SGCD: variants seen among roughly 807,000 people sequenced by gnomAD.
SGCD encodes delta-sarcoglycan.
In SGCD, 18 loss-of-function variants were observed where a neutral mutation model predicts 36.6. The observed-to-expected ratio is 0.49, with a 90% CI of 0.34 to 0.73. The LOEUF (loss-of-function observed/expected upper bound fraction) is 0.73. Among genes scored for constraint, SGCD ranks in the 30% least tolerant of loss-of-function variants. The pLI is 0.01. For missense variants in SGCD, 387 were observed against 346.7 expected (o/e 1.12, Z -0.92); for synonymous variants, 133 against 130.6 (o/e 1.02, Z -0.12).
chr5:156,283,773 C>A (rs922756582), intron 3 of SGCD, among the ~76,000 whole-genome samples: 3 of 152,104 alleles, frequency 2.0e-5, no homozygotes, highest in Non-Finnish European at 4.4e-5. Context: ...GAATTTTTAA[C>A]CAATTCTCAA....
At chr5:156,423,768 T>G (rs1035816850) in intron 3 of SGCD, among the ~76,000 whole-genome samples, 1 of 151,944 alleles carries the variant, frequency 6.6e-6, no homozygotes, top group African/African-American at 2.4e-5. Flanking sequence ...GTGTATGTCT[T>G]GACTCTAAAG....
the SGCD span, among the ~76,000 whole-genome samples, chr5:155,827,847 T>TA: frequency 7.0e-6 from 1 of 142,888 alleles, no homozygotes; most frequent in Non-Finnish European, 1.5e-5. Context: ...CCTGGCTAAT[T>TA]TTTTTTTTTT....
the SGCD span, among the ~76,000 whole-genome samples, chr5:155,748,726 A>G: frequency 4.9e-4 from 74 of 152,336 alleles, no homozygotes; most frequent in Admixed American, 1.6e-3. Flanking sequence ...ATTGTCCATC[A>G]TGGCCCAAGC....
chr5:155,741,465 A>G, the SGCD span, among the ~76,000 whole-genome samples: 2 of 152,088 alleles, frequency 1.3e-5, no homozygotes, highest in African/African-American at 2.4e-5. Context: ...TTCAGGGCCT[A>G]CTATCTGTCA....
At chr5:156,621,906 T>G (rs933797784) in intron 6 of SGCD, among the ~76,000 whole-genome samples, 1 of 152,180 alleles carries the variant, frequency 6.6e-6, no homozygotes, top group African/African-American at 2.4e-5. Flanking sequence ...CTAAGATAAG[T>G]TTCATTCTTA....
chr5:156,071,180 A>G (rs1760548678), intron 1 of SGCD, among the ~76,000 whole-genome samples: 1 of 151,990 alleles, frequency 6.6e-6, no homozygotes, highest in South Asian at 2.1e-4. Flanking sequence ...TAGCTTTTGA[A>G]TGTGTTTGCT....
At chr5:156,185,016 T>C (rs1317692114) in intron 3 of SGCD, among the ~76,000 whole-genome samples, 2 of 152,122 alleles carry the variant, frequency 1.3e-5, no homozygotes, top group Non-Finnish European at 2.9e-5. Flanking sequence ...CAAAACACCA[T>C]TCAAGGAACA....
chr5:155,903,281 T>A (rs1326269754), intron 1 of SGCD, among the ~76,000 whole-genome samples: 1 of 152,230 alleles, frequency 6.6e-6, no homozygotes, highest in African/African-American at 2.4e-5. Flanking sequence ...ACAACTGGGT[T>A]ATTTCTTCCA....
intron 3 of SGCD, among the ~76,000 whole-genome samples, chr5:156,170,943 G>A (rs1043298670): frequency 2.4e-4 from 37 of 152,220 alleles, no homozygotes; most frequent in African/African-American, 6.5e-4. Context: ...AATGTTGCCA[G>A]ACACCATTCA....
At chr5:156,182,056 G>A (rs1763622414) in intron 3 of SGCD, among the ~76,000 whole-genome samples, 1 of 152,150 alleles carries the variant, frequency 6.6e-6, no homozygotes, top group Middle Eastern at 3.2e-3. Flanking sequence ...TAGGAGCACA[G>A]GGCTTTAGGT....
chr5:156,177,126 T>C (rs548818298), intron 3 of SGCD, among the ~76,000 whole-genome samples: 23 of 152,170 alleles, frequency 1.5e-4, no homozygotes, highest in Admixed American at 6.5e-4. Context: ...CTCAGCATCC[T>C]GAGTAGCTGG....
chr5:156,710,250 C>T (rs1346348674), intron 7 of SGCD, among the ~76,000 whole-genome samples: 3 of 152,116 alleles, frequency 2.0e-5, no homozygotes, highest in African/African-American at 4.8e-5. Context: ...GATTGGATGC[C>T]AGTGCCAATT....
intron 3 of SGCD, among the ~76,000 whole-genome samples, chr5:156,172,898 A>C (rs1763377509): frequency 6.6e-6 from 1 of 152,042 alleles, no homozygotes; most frequent in African/African-American, 2.4e-5. Context: ...AGGAATAAGG[A>C]GACATGACAG....
In SGCD at chr5:156,159,629, A is replaced by G. The variant is rs531501942; in HGVS notation, c.-44+35610A>G. Among the ~76,000 whole-genome samples, 363 of 151,804 alleles carry G rather than the reference A, an allele frequency of 2.4e-3. 13 individuals are homozygous for G. The highest frequency in any genetic ancestry group is 8.3e-3 in the African/African-American group (343 of 41,136). On this transcript the variant is annotated intron_variant, in intron 3 of 9. Transcript: ENST00000517913. ...GTAGAATTTATTACTTCTGTTAACT[A>G]CAGCTAGAATAAACATTGGATAAAT...
At chr5:155,776,116 C>A in the SGCD span, among the ~76,000 whole-genome samples, 2 of 152,154 alleles carry the variant, frequency 1.3e-5, no homozygotes, top group African/African-American at 4.8e-5. Context: ...TGGATTTATT[C>A]TTCACAGATT....
the SGCD span, among the ~76,000 whole-genome samples, chr5:155,854,871 T>G: frequency 1.3e-5 from 2 of 152,164 alleles, no homozygotes; most frequent in South Asian, 4.1e-4. Context: ...ACTTAGTGCT[T>G]ACAAGGGCCT....
At chr5:156,490,487 CA>C (rs57894090) in intron 3 of SGCD, among the ~76,000 whole-genome samples, 72,680 of 147,628 alleles carry the variant, frequency 0.49, 17,916 homozygotes, top group Middle Eastern at 0.63. Flanking sequence ...TGTAACATAT[CA>C]AAAAAAAAAA....
intron 3 of SGCD, among the ~76,000 whole-genome samples, chr5:156,416,127 C>CATCA (rs1301153557): frequency 1.3e-5 from 2 of 152,152 alleles, no homozygotes; most frequent in African/African-American, 4.8e-5. Context: ...AGGAAATGCC[C>CATCA]ATCAATCAAG....
chr5:156,307,144 C>G (rs896779072), intron 3 of SGCD, among the ~76,000 whole-genome samples: 1 of 151,136 alleles, frequency 6.6e-6, no homozygotes, highest in Admixed American at 6.6e-5. Flanking sequence ...TGGGCCCAAG[C>G]AATCCTTCCA....
Sources: gnomAD v4.1 joint callset for allele counts (sites outside exome capture counted in the v4.1 genomes callset) on GRCh38, gnomAD v4.1.1 for gene constraint, MANE v1.5 for transcripts, NCBI Gene and HGNC (gene_info 2026-07-23, HGNC 2026-07-21) for gene names.